The following RBL2 variants were observed in gnomAD, a reference collection of about 807,000 sequenced individuals.
The protein encoded by RBL2 is RB transcriptional corepressor like 2, also known as retinoblastoma-like protein 2.
RBL2 carries 56 observed loss-of-function variants against 126.0 expected under a neutral mutation model. That is an observed-to-expected ratio of 0.44 (90% CI 0.36 to 0.56). The LOEUF is 0.56. Among genes scored for constraint, RBL2 ranks in the 20% least tolerant of loss-of-function variants. RBL2 has a pLI of 0.00. For synonymous variants in RBL2, 454 were observed against 478.5 expected, an observed-to-expected ratio of 0.95 and a Z score of 0.67; for missense variants, 1,229 against 1,398.2, an observed-to-expected ratio of 0.88 and a Z score of 1.93.
At chr16:53,489,396 G>A (rs1279479545) in intron 21 of RBL2, 1 of 152,196 alleles carries the variant, frequency 6.6e-6, no homozygotes, top group Non-Finnish European at 1.5e-5. Flanking sequence ...GGATGAAGCA[G>A]CACATGAAAA....
chr16:53,469,416 CAGA>C (rs2058300249), intron 14 of RBL2, among the ~76,000 whole-genome samples: 2 of 137,402 alleles, frequency 1.5e-5, no homozygotes, highest in African/African-American at 7.1e-5. Context: ...TGGAAAAAGA[CAGA>C]GATCAAAATT....
intron 8 of RBL2, among the ~76,000 whole-genome samples, chr16:53,458,334 T>A (rs2058188142): frequency 6.6e-6 from 1 of 152,180 alleles, no homozygotes; most frequent in South Asian, 2.1e-4. Context: ...CCTTTCAGAG[T>A]TTATTTGAAA....
chr16:53,437,962 G>A (rs1463272299), intron 1 of RBL2, among the ~76,000 whole-genome samples: 1 of 152,110 alleles, frequency 6.6e-6, no homozygotes, highest in Admixed American at 6.5e-5. Context: ...GGGAGGCAGA[G>A]CTTGGAGTGA....
At chr16:53,461,972 C>T (rs2058225869) in intron 10 of RBL2, 122 bp downstream of exon 10, 2 of 801,392 alleles carry the variant, frequency 2.5e-6, no homozygotes, top group Admixed American at 3.2e-5. Context: ...TAGGATATGG[C>T]TGTCCAATTT....
Position 53,434,579 on chromosome 16 carries a change from C to T in RBL2, c.23C>T (p.Ser8Leu), listed in dbSNP as rs34472536. The T allele has an allele frequency of 3.0e-5, 46 of 1,532,830 alleles. No homozygotes were observed. The highest frequency in any genetic ancestry group is 3.7e-5 in the Non-Finnish European group (43 of 1,148,694). 95.0% of individuals were successfully genotyped at this position (1,532,830 alleles called of 1,614,324 possible). The change falls in exon 1 of 22, where the codon TCG (serine) becomes TTG (leucine). Residue 8 changes from serine (S) to leucine (L), a missense_variant. Transcript: ENST00000262133. ...GCTATGCCGTCGGGAGGTGACCAGTCGCCACCGCCCCCGCCTCCCCCTCCG... is the reference window on the plus strand; with the variant it reads ...GCTATGCCGTCGGGAGGTGACCAGTTGCCACCGCCCCCGCCTCCCCCTCCG... MPSGGDQ[S>L]PPPPPPPPAA... is the part of the protein sequence containing the mutation.
In RBL2 at chr16:53,460,659, T is replaced by C. The variant is rs554350419; in HGVS notation, c.1346+1042T>C. Reference sequence around the variant, plus strand: ...GGGTTAAATAAATATTACCAGTAAATACTAGGTAAAATAAAGGGTGCTATT... The same window carrying C: ...GGGTTAAATAAATATTACCAGTAAACACTAGGTAAAATAAAGGGTGCTATT... On this transcript the variant is annotated intron_variant, in intron 9 of 21. Coordinates refer to ENST00000262133, the MANE Select transcript of RBL2 (RefSeq NM_005611.4). 8.3e-4 allele frequency among the ~76,000 whole-genome samples: 126 copies of C among 152,298 alleles called. 1 individual carries two copies. The highest frequency in any genetic ancestry group is 1.0e-4 in the Non-Finnish European group (7 of 68,020).
intron 4 of RBL2, among the ~76,000 whole-genome samples, chr16:53,451,235 G>C (rs1317921134): frequency 6.6e-6 from 1 of 152,122 alleles, no homozygotes; most frequent in East Asian, 1.9e-4. Flanking sequence ...GCCAGGCATG[G>C]TGGTTTACAC....
intron 11 of RBL2, among the ~76,000 whole-genome samples, 167 bp downstream of exon 11, chr16:53,462,822 GTT>G (rs2058235657): frequency 6.6e-6 from 1 of 151,688 alleles, no homozygotes; most frequent in South Asian, 2.1e-4. Context: ...CTGTGCTTTT[GTT>G]TTATGTATGT....
intron 2 of RBL2, among the ~76,000 whole-genome samples, chr16:53,440,080 G>C (rs1291297708): frequency 9.9e-5 from 15 of 151,866 alleles, no homozygotes. Flanking sequence ...TGGATCACTT[G>C]AGGTCAAGAA....
chr16:53,459,843 C>G (rs2058203206), intron 9 of RBL2, among the ~76,000 whole-genome samples: 4 of 151,748 alleles, frequency 2.6e-5, no homozygotes, highest in African/African-American at 9.7e-5. Context: ...ACTAATAACA[C>G]CAGACAGTGT....
At chr16:53,434,957 C>T (rs902693100) in intron 1 of RBL2, among the ~76,000 whole-genome samples, 161 bp downstream of exon 1, 1 of 152,122 alleles carries the variant, frequency 6.6e-6, no homozygotes, top group Non-Finnish European at 1.5e-5. Context: ...CTTAGCCGCT[C>T]CGAGGGCTAA....
chr16:53,458,877 G>A (rs1289678416), intron 8 of RBL2, among the ~76,000 whole-genome samples: 2 of 152,166 alleles, frequency 1.3e-5, no homozygotes, highest in Non-Finnish European at 2.9e-5. Flanking sequence ...CTCCCACTGG[G>A]TGCCTCACAC....
intron 1 of RBL2, among the ~76,000 whole-genome samples, chr16:53,438,176 G>C (rs1202977745): frequency 6.6e-6 from 1 of 152,150 alleles, no homozygotes; most frequent in Non-Finnish European, 1.5e-5. Flanking sequence ...GGACAGTGTG[G>C]ATGTCATGTT....
rs770362937 is a variant in RBL2, at chr16:53,434,552, G to T, written c.-5G>T. On this transcript the variant is annotated 5_prime_UTR_variant, in exon 1 of 22. Coordinates refer to ENST00000262133, the MANE Select transcript of RBL2 (RefSeq NM_005611.4). Reference sequence around the variant, plus strand: ...ACCTGAGGTCCGGCCGCCCAGGGGTGCGCTATGCCGTCGGGAGGTGACCAG... The same window carrying T: ...ACCTGAGGTCCGGCCGCCCAGGGGTTCGCTATGCCGTCGGGAGGTGACCAG... 3.4e-6 allele frequency: 5 copies of T among 1,490,672 alleles called. 1 individual carries two copies. Among genetic ancestry groups the T allele is most frequent in the Non-Finnish European group, 4.4e-6 (5 of 1,127,892 alleles). The allele number at this position is 1,490,672 out of a possible 1,614,324, so 92.3% of individuals were successfully genotyped here.
chr16:53,462,391 A>C (rs182059232), intron 10 of RBL2, among the ~76,000 whole-genome samples, 161 bp from the exon 11 acceptor site: 3 of 152,214 alleles, frequency 2.0e-5, no homozygotes, highest in Non-Finnish European at 2.9e-5. Flanking sequence ...AAGAAAATTA[A>C]GGTATCTTAG....
At chr16:53,463,899 A>G (rs966808447) in intron 11 of RBL2, among the ~76,000 whole-genome samples, 1 of 152,068 alleles carries the variant, frequency 6.6e-6, no homozygotes, top group African/African-American at 2.4e-5. Context: ...CTTACTGTAA[A>G]TACTGTTTTG....
intron 3 of RBL2, among the ~76,000 whole-genome samples, chr16:53,444,224 G>A (rs1421585366): frequency 1.3e-5 from 2 of 152,016 alleles, no homozygotes; most frequent in South Asian, 2.1e-4. Flanking sequence ...GAGCCTGGGC[G>A]ACAAGAATGA....
chr16:53,477,037 G>A (rs1235631363), intron 17 of RBL2, among the ~76,000 whole-genome samples: 3 of 145,432 alleles, frequency 2.1e-5, no homozygotes, highest in Non-Finnish European at 4.5e-5. Flanking sequence ...GCATTTTAAC[G>A]TCAGTACTTT....
rs1327993093 is a variant in RBL2 at position 53,467,680 on chromosome 16, GC to G, written c.1975+514del. 1.2e-4 allele frequency among the ~76,000 whole-genome samples: 18 copies of G among 152,298 alleles called. No homozygotes were observed. In the East Asian group the frequency reaches 3.5e-3, roughly 29 times the overall value. ...TGGAATTACAGGCATGAGGCACCGT[GC>G]CCGGCTGACTGCTGTATATTTAATA... On this transcript the variant is annotated intron_variant, in intron 14 of 21. Coordinates refer to ENST00000262133, the MANE Select transcript of RBL2 (RefSeq NM_005611.4).
Sources: allele counts gnomAD v4.1 joint callset (sites outside exome capture counted in the v4.1 genomes callset), GRCh38; gene constraint gnomAD v4.1.1; transcripts MANE v1.5; gene names NCBI Gene and HGNC (gene_info 2026-07-23, HGNC 2026-07-21).